Variants in EXOC7 observed in about 807,000 individuals in gnomAD.
The protein encoded by EXOC7 is exocyst complex component Exo70.
A neutral mutation model predicts 87.6 loss-of-function variants in EXOC7; 51 were observed. That is an observed-to-expected ratio of 0.58 (90% CI 0.46 to 0.73). The LOEUF is 0.73. Ranked by LOEUF, EXOC7 falls within the 30% of genes least tolerant of loss-of-function variation. EXOC7 has a pLI of 0.00. For synonymous variants in EXOC7, 327 were observed against 357.1 expected (o/e 0.92, Z 0.95); for missense variants, 744 against 888.4 (o/e 0.84, Z 2.07).
intron 6 of EXOC7, 33 bp from the exon 7 acceptor site, chr17:76,091,268 A>G (rs370464967): frequency 3.7e-4 from 582 of 1,591,324 alleles, no homozygotes; most frequent in Non-Finnish European, 4.8e-4. Context: ...AGGAGATAAG[A>G]AGACCTAGGA....
At chr17:76,087,434 T>G (rs746085270) in intron 12 of EXOC7, 7 of 579,906 alleles carry the variant, frequency 1.2e-5, no homozygotes, top group East Asian at 2.9e-5. Context: ...GCGAGGACGG[T>G]CAAAGGGGCT....
intron 6 of EXOC7, 135 bp from the exon 7 acceptor site, chr17:76,091,370 AC>A: frequency 1.5e-6 from 1 of 661,404 alleles, no homozygotes; most frequent in Non-Finnish European, 2.7e-6. Context: ...CCCTGAGACC[AC>A]CAGAGACGCT....
chr17:76,082,535 A>G lies in EXOC7; in HGVS notation c.*1113T>C, dbSNP rs2067026798. The G allele has an allele frequency of 1.9e-6, 3 of 1,613,794 alleles. No homozygotes were observed. Among genetic ancestry groups the G allele is most frequent in the Admixed American group, 1.7e-5 (1 of 60,006 alleles). On this transcript the variant is annotated 3_prime_UTR_variant, in exon 19 of 19. Coordinates refer to ENST00000589210, the MANE Select transcript of EXOC7 (RefSeq NM_001013839.4). ...GCTGACCGCATCTTCTTCCTCGTGT[A>G]TGTGGTTGGGGTGCTGTGCACCCAA...
Position 76,083,424 on chromosome 17 carries a change from G to A in EXOC7, c.*224C>T. The A allele has an allele frequency of 1.8e-6, 1 of 562,868 alleles. No individual in the cohort carries two copies. Among genetic ancestry groups the A allele is most frequent in the Non-Finnish European group, 3.2e-6 (1 of 313,284 alleles). The allele number at this position is 562,868 out of a possible 1,614,324, so 34.9% of individuals were successfully genotyped here. ...GGTCATAAAAGCCAAGGTGTGGAGG[G>A]ACCCCAGGCTTCCGGGAGAGTGCTG... is the stretch of plus-strand genomic sequence containing the variant. On this transcript the variant is annotated 3_prime_UTR_variant, in exon 19 of 19. Coordinates refer to ENST00000589210, the MANE Select transcript of EXOC7 (RefSeq NM_001013839.4).
At position 76,081,475 on chromosome 17, in the gene EXOC7, C is replaced by A. The variant is rs2066970948; in HGVS notation, c.*2173G>T. 12 of 1,610,306 alleles carry A rather than the reference C, an allele frequency of 7.5e-6. No individual in the cohort carries two copies. Among genetic ancestry groups the A allele is most frequent in the Non-Finnish European group, 9.3e-6 (11 of 1,178,612 alleles). ...GGGAGTGAGGATGCACGGCCAGAGGCCAGGCCCCATGCCCCCGATGCCCAC... is the reference window on the plus strand; with the variant it reads ...GGGAGTGAGGATGCACGGCCAGAGGACAGGCCCCATGCCCCCGATGCCCAC... On this transcript the variant is annotated 3_prime_UTR_variant, in exon 19 of 19. Coordinates refer to ENST00000589210, the MANE Select transcript of EXOC7 (RefSeq NM_001013839.4).
rs748290783 is a variant in EXOC7 at position 76,086,100 on chromosome 17, C to T, written c.1475G>A (p.Arg492Gln). The T allele has an allele frequency of 5.0e-6, 8 of 1,613,740 alleles. No homozygotes were observed. The highest frequency in any genetic ancestry group is 2.2e-5 in the East Asian group (1 of 44,900). ...ATSYSSEFSKRLLSTYICKVL... is the reference protein window; with the variant it reads ...ATSYSSEFSKQLLSTYICKVL... The stretch of plus-strand genomic sequence containing the variant: ...CTCACAGATATAGGTGCTTAGCAGC[C>T]GCTTGCTGAACTCAGAGCTGTAGCT... The change falls in exon 13 of 19, where the codon CGG becomes CAG. Residue 492 changes from arginine (R) to glutamine (Q), a missense_variant. Physicochemically the swap from Arg to Gln is conservative, Grantham distance 43. Coordinates refer to ENST00000589210, the MANE Select transcript of EXOC7 (RefSeq NM_001013839.4).
chr17:76,102,314 C>T (rs905535831), intron 2 of EXOC7, among the ~76,000 whole-genome samples: 5 of 152,024 alleles, frequency 3.3e-5, no homozygotes, highest in African/African-American at 1.2e-4. Context: ...ATGGTTCATG[C>T]CTGTAATACC....
intron 18 of EXOC7, 42 bp downstream of exon 18, chr17:76,083,964 G>A (rs1176235187): frequency 6.6e-7 from 1 of 1,512,884 alleles, no homozygotes; most frequent in Non-Finnish European, 8.8e-7. Context: ...GGCCCACTGG[G>A]GCTGTGGGCA....
At chr17:76,089,646 A>G in intron 7 of EXOC7, 1 of 363,364 alleles carries the variant, frequency 2.8e-6, no homozygotes, top group Non-Finnish European at 5.2e-6. Context: ...AGGTGGTTTG[A>G]CCCCAGGACT....
chr17:76,085,145 A>T, intron 15 of EXOC7, 169 bp downstream of exon 15: 1 of 628,858 alleles, frequency 1.6e-6, no homozygotes, highest in Non-Finnish European at 2.8e-6. Flanking sequence ...GTGGTAGAGG[A>T]GGGGGCTTCT....
rs1876652895 is a variant in EXOC7, at chr17:76,088,094, G to A, written c.1328C>T (p.Pro443Leu). ...GAGCTCGTGTACGGTGCCGTCCTTC[G>A]GCATGTTGTACTCCTTGTCCGGGTC... is the stretch of plus-strand genomic sequence containing the variant. ...KNDPDKEYNM[P>L]KDGTVHELTS... Residue 443 changes from proline (P) to leucine (L), a missense_variant, in exon 11 of 19, where the codon CCG becomes CTG. Transcript: ENST00000589210. 6.2e-7 allele frequency: 1 copy of A among 1,613,974 alleles called. No individual in the cohort carries two copies. The highest frequency in any genetic ancestry group is 1.1e-5 in the South Asian group (1 of 91,066).
chr17:76,093,977 C>G (rs1472066716), intron 6 of EXOC7: 1 of 154,298 alleles, frequency 6.5e-6, no homozygotes, highest in African/African-American at 2.4e-5. Flanking sequence ...TTCTCCCCAT[C>G]CAGCTCTCAG....
At chr17:76,091,556 A>C (rs1209959533) in intron 6 of EXOC7, 2 of 271,426 alleles carry the variant, frequency 7.4e-6, no homozygotes. Flanking sequence ...TAATCAGAAC[A>C]GGCGAGGGCT....
intron 5 of EXOC7, among the ~76,000 whole-genome samples, chr17:76,097,055 T>C (rs2067793660): frequency 6.6e-6 from 1 of 152,146 alleles, no homozygotes; most frequent in African/African-American, 2.4e-5. Flanking sequence ...TTTTGCCATG[T>C]TGGCCAGGTC....
chr17:76,081,204 CCA>C lies in EXOC7; in HGVS notation c.*2442_*2443del. On this transcript the variant is annotated 3_prime_UTR_variant, in exon 19 of 19. Coordinates refer to ENST00000589210, the MANE Select transcript of EXOC7 (RefSeq NM_001013839.4). ...CAAAAGTCTCCATCACCCCTGGGCTCCAGTCTGCTACCCCCAGACTTGGCAGC... is the reference window on the plus strand; with the variant it reads ...CAAAAGTCTCCATCACCCCTGGGCTCGTCTGCTACCCCCAGACTTGGCAGC... The C allele has an allele frequency of 1.3e-6, 2 of 1,591,444 alleles. No homozygotes were observed. The highest frequency in any genetic ancestry group is 1.3e-5 in the African/African-American group (1 of 74,564).
chr17:76,081,100 T>G lies in EXOC7; in HGVS notation c.*2548A>C, dbSNP rs1300896287. The G allele has an allele frequency of 4.1e-6, 3 of 730,038 alleles. No homozygotes were observed. Among genetic ancestry groups the G allele is most frequent in the Admixed American group, 2.8e-5 (1 of 35,730 alleles). 45.2% of individuals were successfully genotyped at this position (730,038 alleles called of 1,614,324 possible). ...GGCCTTCCTTCAACTGGAGACAATT[T>G]GGGATGTTGCAAAACAAGGTTTGGG... On this transcript the variant is annotated 3_prime_UTR_variant, in exon 19 of 19. Transcript: ENST00000589210.
Position 76,094,534 on chromosome 17 carries a change from A to G in EXOC7, c.688T>C (p.Ser230Pro), listed in dbSNP as rs147891647. Reference protein sequence around the residue: ...YQIRSSQLDRSIKGLKEHFHK... With the variant: ...YQIRSSQLDRPIKGLKEHFHK... ...AAATGCTCCTTCAGTCCTTTGATGGAGCGGTCCAGCTGGCTGGAGCGTATC... is the reference window on the plus strand; with the variant it reads ...AAATGCTCCTTCAGTCCTTTGATGGGGCGGTCCAGCTGGCTGGAGCGTATC... Residue 230 changes from serine (S) to proline (P), a missense_variant, in exon 6 of 19, where the codon TCC (serine) becomes CCC (proline). Physicochemically the swap from Ser to Pro is moderately conservative, Grantham distance 74. Around this residue, in one of 3 missense-constraint regions of EXOC7, gnomAD observed 512 missense variants for 573.0 expected, o/e 0.89. Coordinates refer to ENST00000589210, the MANE Select transcript of EXOC7 (RefSeq NM_001013839.4). 4 of 1,613,854 alleles carry G rather than the reference A, an allele frequency of 2.5e-6. No individual in the cohort carries two copies. Among genetic ancestry groups the G allele is most frequent in the Non-Finnish European group, 2.5e-6 (3 of 1,179,988 alleles).
rs556919998 is a variant in EXOC7 at position 76,089,796 on chromosome 17, C to G, written c.902-476G>C. On this transcript the variant is annotated intron_variant, in intron 7 of 18. Transcript: ENST00000589210. ...GAAGTGACCAGCCCAGTCAGGGCTTCTGGAACATCTAAGAGGGTGGTTGGC... is the reference window on the plus strand; with the variant it reads ...GAAGTGACCAGCCCAGTCAGGGCTTGTGGAACATCTAAGAGGGTGGTTGGC... The G allele has an allele frequency of 3.2e-5, 6 of 185,376 alleles. No homozygotes were observed. In the East Asian group the frequency reaches 8.1e-4, roughly 25 times the overall value. The allele number at this position is 185,376 out of a possible 1,614,324, so 11.5% of individuals were successfully genotyped here. A position where few individuals can be genotyped will look rare whatever the true frequency, so the allele number is the denominator to read the frequency against.
At chr17:76,091,282 G>T (rs747548335) in intron 6 of EXOC7, 47 bp from the exon 7 acceptor site, 5 of 1,560,288 alleles carry the variant, frequency 3.2e-6, no homozygotes, top group Non-Finnish European at 4.4e-6. Context: ...CCTAGGAAAT[G>T]AGTGAGAGAA....
Sources: gnomAD v4.1 joint callset for allele counts (sites outside exome capture counted in the v4.1 genomes callset) on GRCh38, gnomAD v4.1.1 for gene constraint, gnomAD v4.1.1 regional missense constraint, MANE v1.5 for transcripts, NCBI Gene and HGNC (gene_info 2026-07-23, HGNC 2026-07-21) for gene names.